Variants in CIB1 observed in about 807,000 individuals in gnomAD.
CIB1 encodes calcium and integrin binding 1.
In CIB1, 19 loss-of-function variants were observed where a neutral mutation model predicts 25.0. The ratio of observed to expected loss-of-function variants is 0.76; its 90% CI spans 0.53 to 1.12. The LOEUF (loss-of-function observed/expected upper bound fraction) is 1.12. Among genes scored for constraint, CIB1 ranks in the 50% most tolerant of loss-of-function variants. The probability of loss-of-function intolerance (pLI) is 0.00; values close to 1 mark genes in which losing one functional copy is unlikely to be tolerated. For missense variants in CIB1, 236 were observed against 242.6 expected (o/e 0.97, Z 0.18); for synonymous variants, 104 against 98.5 (o/e 1.06, Z -0.33).
the CIB1 span, chr15:90,250,976 G>A: frequency 6.6e-7 from 1 of 1,505,860 alleles, no homozygotes; most frequent in South Asian, 1.3e-5. Context: ...TGGGATCTCA[G>A]ATCTTCCCTT....
the CIB1 span, among the ~76,000 whole-genome samples, chr15:90,254,496 A>AAAAAAAAC: frequency 6.8e-6 from 1 of 147,050 alleles, no homozygotes; most frequent in Non-Finnish European, 1.5e-5. Flanking sequence ...CCATCTAAAA[A>AAAAAAAAC]AAAAAAAAAA....
the CIB1 span, chr15:90,241,213 G>C: frequency 2.3e-5 from 37 of 1,614,148 alleles, no homozygotes; most frequent in African/African-American, 4.3e-4. Flanking sequence ...AATGTGGAGC[G>C]TGGTGTGCAG....
chr15:90,232,933 A>G (rs1962536460), intron 2 of CIB1, among the ~76,000 whole-genome samples: 1 of 151,940 alleles, frequency 6.6e-6, no homozygotes, highest in South Asian at 2.1e-4. Context: ...CTGTCTCAAA[A>G]AAAAAAAAAC....
At chr15:90,236,916 TTGGTA>T (rs1379612862), upstream of CIB1, among the ~76,000 whole-genome samples, 3 of 152,100 alleles carry the variant, frequency 2.0e-5, no homozygotes, top group Admixed American at 2.0e-4. Context: ...TGATCAACTC[TTGGTA>T]CAGTGATAAA....
upstream of CIB1, among the ~76,000 whole-genome samples, chr15:90,236,356 G>T (rs1346975428): frequency 6.6e-6 from 1 of 152,122 alleles, no homozygotes; most frequent in African/African-American, 2.4e-5. Flanking sequence ...TCTTTATAGT[G>T]AAGACATGAG....
the CIB1 span, chr15:90,243,640 G>GTTTTTTTTT: frequency 1.0e-5 from 1 of 99,408 alleles, no homozygotes; most frequent in Non-Finnish European, 2.0e-5. Context: ...CTTGGTGCAG[G>GTTTTTTTTT]TTTTTTTTTT....
chr15:90,247,661 A>G, the CIB1 span, among the ~76,000 whole-genome samples: 16 of 151,472 alleles, frequency 1.1e-4, 1 homozygote, highest in African/African-American at 3.9e-4. Context: ...CACTCTATAC[A>G]TTTGCTGTGG....
At position 90,233,856 on chromosome 15, in the gene CIB1, C is replaced by T. The variant is rs1206267697; in HGVS notation, c.30G>A (p.Lys10=). The T allele has an allele frequency of 3.9e-6, 6 of 1,522,698 alleles. No homozygotes were observed. The highest frequency in any genetic ancestry group is 5.3e-6 in the Non-Finnish European group (6 of 1,135,244). The allele number at this position is 1,522,698 out of a possible 1,614,324, so 94.3% of individuals were successfully genotyped here. Residue 10 remains lysine, a synonymous_variant, in exon 1 of 7, where the codon AAG becomes AAA. Transcript: ENST00000328649. Reference sequence around the variant, plus strand: ...GCACCTGGTACTCGGCCAGCAGCTCCTTGGACAGGCGACTGCCCGAGCCCC... The same window carrying T: ...GCACCTGGTACTCGGCCAGCAGCTCTTTGGACAGGCGACTGCCCGAGCCCC... MGGSGSRLS[K]ELLAEYQDLT... is the part of the protein sequence containing the mutation.
the CIB1 span, among the ~76,000 whole-genome samples, chr15:90,256,834 C>T: frequency 4.6e-5 from 7 of 152,120 alleles, no homozygotes; most frequent in African/African-American, 1.7e-4. Context: ...ATCACAGGCA[C>T]CTGCCACCAC....
chr15:90,247,123 G>C, the CIB1 span, among the ~76,000 whole-genome samples: 1,358 of 150,508 alleles, frequency 9.0e-3, 39 homozygotes, highest in African/African-American at 0.032. Flanking sequence ...CTACAGGCGT[G>C]CGCCACCATG....
chr15:90,232,577 A>C (rs1962522410), intron 2 of CIB1: 2 of 477,300 alleles, frequency 4.2e-6, no homozygotes, highest in Non-Finnish European at 6.9e-6. Flanking sequence ...GAGATCCCCA[A>C]GGGATGAAGA....
rs760267838 is a variant in CIB1, at chr15:90,232,343, G to A, written c.87-16C>T. 1.9e-6 allele frequency: 3 copies of A among 1,591,052 alleles called. No homozygotes were observed. Among genetic ancestry groups the A allele is most frequent in the African/African-American group, 2.7e-5 (2 of 74,318 alleles). ...CCTGTGGGCTCTGGTAGAGAGAGGGGAACTGTCGGTGTTCTCAGCGATCGG... is the reference window on the plus strand; with the variant it reads ...CCTGTGGGCTCTGGTAGAGAGAGGGAAACTGTCGGTGTTCTCAGCGATCGG... On this transcript the variant is annotated splice_polypyrimidine_tract_variant and intron_variant, in intron 2 of 6. Transcript: ENST00000328649.
chr15:90,264,723 G>A, the CIB1 span: 2 of 1,535,902 alleles, frequency 1.3e-6, no homozygotes, highest in Non-Finnish European at 1.7e-6. Flanking sequence ...ACTGCAGAAG[G>A]ACAAGCCAGC....
At chr15:90,232,500 A>T in intron 2 of CIB1, 173 bp from the exon 3 acceptor site, 2 of 1,008,122 alleles carry the variant, frequency 2.0e-6, no homozygotes, top group Non-Finnish European at 2.7e-6. Context: ...AAGGCAGTAC[A>T]GCCTAGGAGT....
At chr15:90,265,515 C>A in the CIB1 span, 1 of 1,396,110 alleles carries the variant, frequency 7.2e-7, no homozygotes. Flanking sequence ...CCTCACGTTT[C>A]AGGGAAGCCC....
chr15:90,262,126 C>T, the CIB1 span: 1 of 1,535,844 alleles, frequency 6.5e-7, no homozygotes, highest in African/African-American at 1.4e-5. Flanking sequence ...ATGCCCGCTT[C>T]TTCAAGCACA....
the CIB1 span, chr15:90,241,261 C>T: frequency 6.2e-7 from 1 of 1,614,166 alleles, no homozygotes. Flanking sequence ...GTGAGGCAGG[C>T]ATTTGACCCT....
chr15:90,256,409 GC>G, the CIB1 span: 1 of 1,352,696 alleles, frequency 7.4e-7, no homozygotes, highest in Non-Finnish European at 1.0e-6. Flanking sequence ...CTTCCCACTA[GC>G]CCCGTTTTCC....
chr15:90,253,387 A>G, the CIB1 span: 1 of 1,587,730 alleles, frequency 6.3e-7, no homozygotes, highest in African/African-American at 1.3e-5. Flanking sequence ...TCCTGACCTG[A>G]GAGCCGACAG....
Sources: allele counts gnomAD v4.1 joint callset (sites outside exome capture counted in the v4.1 genomes callset), GRCh38; gene constraint gnomAD v4.1.1; transcripts MANE v1.5; gene names NCBI Gene and HGNC (gene_info 2026-07-23, HGNC 2026-07-21).